The following PCDHGB5 variants were observed in gnomAD, a reference collection of about 807,000 sequenced individuals.
PCDHGB5 encodes the protein protocadherin gamma-B5.
PCDHGB5 carries 48 observed loss-of-function variants against 62.9 expected under a neutral mutation model. The ratio of observed to expected loss-of-function variants is 0.76; its 90% CI spans 0.61 to 0.97. The LOEUF (loss-of-function observed/expected upper bound fraction) is 0.97, where lower values mean the gene tolerates loss of function less well. Among genes scored for constraint, PCDHGB5 ranks in the 50% least tolerant of loss-of-function variants. PCDHGB5 has a pLI of 0.00. For missense variants in PCDHGB5, 1,118 were observed against 1,198.6 expected, an observed-to-expected ratio of 0.93 and a Z score of 0.99; for synonymous variants, 474 against 511.2, an observed-to-expected ratio of 0.93 and a Z score of 0.98.
At chr5:141,427,765 T>C (rs1331334394) in intron 1 of PCDHGB5, 3 of 1,387,170 alleles carry the variant, frequency 2.2e-6, no homozygotes, top group Non-Finnish European at 2.0e-6. Context: ...ACCACTGACT[T>C]GGAGCTGCGG....
chr5:141,471,646 G>C (rs935284198), intron 1 of PCDHGB5: 1 of 152,108 alleles, frequency 6.6e-6, no homozygotes, highest in Non-Finnish European at 1.5e-5. Flanking sequence ...GTAATATACT[G>C]GATGTGGGGA....
chr5:141,408,914 A>G lies in PCDHGB5; in HGVS notation c.2397+8390A>G, dbSNP rs776105035. ...AATTTCTGTCAAGGATACCAATGAT[A>G]ACCCCCCGGTTTTCAGCAGAGACGA... On this transcript the variant is annotated intron_variant, in intron 1 of 3. Coordinates refer to ENST00000617380, the MANE Select transcript of PCDHGB5 (RefSeq NM_018925.3). The G allele has an allele frequency of 1.2e-5, 20 of 1,613,446 alleles. No homozygotes were observed. The South Asian group carries it at 2.1e-4, about 17-fold the overall frequency.
intron 1 of PCDHGB5, chr5:141,405,598 T>G: frequency 1.7e-6 from 1 of 577,840 alleles, no homozygotes; most frequent in South Asian, 2.2e-5. Context: ...GCCTCCCAAG[T>G]AGAATAACTG....
In PCDHGB5 at chr5:141,399,111, A is replaced by G. The variant is rs1561667842; in HGVS notation, c.984A>G (p.Thr328=). The G allele has an allele frequency of 1.9e-6, 3 of 1,613,732 alleles. No individual in the cohort carries two copies. Among genetic ancestry groups the G allele is most frequent in the East Asian group, 2.2e-5 (1 of 44,904 alleles). Residue 328 remains threonine, a synonymous_variant, in exon 1 of 4, where the codon ACA becomes ACG. Coordinates refer to ENST00000617380, the MANE Select transcript of PCDHGB5 (RefSeq NM_018925.3). Reference sequence around the variant, plus strand: ...GTGGTGGACTGGTTGCACAATGTACAGTTGAAATTAATATTCAAGATGAAA... The same window carrying G: ...GTGGTGGACTGGTTGCACAATGTACGGTTGAAATTAATATTCAAGATGAAA... ...RDGGGLVAQC[T]VEINIQDEND... is the part of the protein sequence containing the mutation.
chr5:141,423,868 T>G (rs2154550529), intron 1 of PCDHGB5: 1 of 1,283,788 alleles, frequency 7.8e-7, no homozygotes, highest in East Asian at 3.1e-5. Flanking sequence ...GTGAAAGTCA[T>G]TTTTCAATCT....
intron 1 of PCDHGB5, chr5:141,478,786 C>T: frequency 6.8e-7 from 1 of 1,480,998 alleles, no homozygotes; most frequent in Non-Finnish European, 9.0e-7. Context: ...ACCTAATTCA[C>T]ATCCTCAGCA....
At position 141,399,778 on chromosome 5, in the gene PCDHGB5, C is replaced by T. The variant is rs187080333; in HGVS notation, c.1651C>T (p.Arg551Ter). 2.5e-6 allele frequency: 4 copies of T among 1,613,250 alleles called. No individual in the cohort carries two copies. The South Asian group carries it at 3.3e-5, about 13-fold the overall frequency. Residue 551 changes from arginine to a stop codon, truncating the protein, a stop_gained, in exon 1 of 4, where the codon CGA (arginine) becomes TGA (stop). Transcript: ENST00000617380. LOFTEE classifies it high-confidence loss of function. ...NVSLRVLVGD[R>*]NDNAPRVLYP... ...GAGCCTGCGCGTGTTGGTGGGCGAC[C>T]GAAACGACAACGCACCGCGGGTGCT...
intron 1 of PCDHGB5, chr5:141,413,266 GGA>G: frequency 6.2e-7 from 1 of 1,613,962 alleles, no homozygotes; most frequent in South Asian, 1.1e-5. Context: ...ATGGGAGGCT[GGA>G]GCCCGGCAGA....
At chr5:141,428,145 A>T (rs748256830) in intron 1 of PCDHGB5, 11 of 1,592,456 alleles carry the variant, frequency 6.9e-6, no homozygotes, top group Non-Finnish European at 8.6e-7. Flanking sequence ...GGGGCTGCAC[A>T]CGGGAACCTG....
At position 141,511,235 on chromosome 5, in the gene PCDHGB5, C is replaced by G; in HGVS notation, c.*62C>G. On this transcript the variant is annotated 3_prime_UTR_variant, in exon 4 of 4. Transcript: ENST00000617380. ...CCCCAACCAGCCCAGCTTCTCCTTA[C>G]CTGCACCCAGGCCTCAGAGTTTCAG... 2 of 1,592,936 alleles carry G rather than the reference C, an allele frequency of 1.3e-6. No homozygotes were observed. The highest frequency in any genetic ancestry group is 1.7e-6 in the Non-Finnish European group (2 of 1,169,652).
At chr5:141,420,341 G>A in intron 1 of PCDHGB5, 5 of 1,391,412 alleles carry the variant, frequency 3.6e-6, no homozygotes, top group Middle Eastern at 1.9e-4. Context: ...CAATATAGTG[G>A]TATTATTTTA....
At chr5:141,428,358 G>A in intron 1 of PCDHGB5, 2 of 565,492 alleles carry the variant, frequency 3.5e-6, no homozygotes, top group South Asian at 1.9e-5. Context: ...TGATTTTGGC[G>A]GTCGCCTTGC....
intron 1 of PCDHGB5, chr5:141,430,984 C>A (rs765063685): frequency 6.2e-7 from 1 of 1,613,648 alleles, no homozygotes; most frequent in South Asian, 1.1e-5. Flanking sequence ...CGCAGCTTTT[C>A]GCCCTGAATC....
chr5:141,501,664 TATAG>T (rs1161034391), intron 2 of PCDHGB5, among the ~76,000 whole-genome samples: 1 of 152,064 alleles, frequency 6.6e-6, no homozygotes, highest in East Asian at 1.9e-4. Flanking sequence ...TGTTGGAAAA[TATAG>T]ATAATCACAA....
At position 141,476,683 on chromosome 5, in the gene PCDHGB5, C is replaced by T; in HGVS notation, c.2398-18124C>T. The T allele has an allele frequency of 1.9e-6, 3 of 1,614,242 alleles. No homozygotes were observed. Among genetic ancestry groups the T allele is most frequent in the Non-Finnish European group, 2.5e-6 (3 of 1,180,052 alleles). ...CGCTTCGCGTGCAGACGCGGGAGGA[C>T]AGCACCAAGTACGCGGAGCTGGTGT... On this transcript the variant is annotated intron_variant, in intron 1 of 3. Coordinates refer to ENST00000617380, the MANE Select transcript of PCDHGB5 (RefSeq NM_018925.3). The surrounding 1 kb of genome is among the most constrained non-coding windows in gnomAD (Gnocchi z 7.6).
intron 1 of PCDHGB5, among the ~76,000 whole-genome samples, chr5:141,484,179 A>G (rs2099592960): frequency 6.6e-6 from 1 of 152,222 alleles, no homozygotes; most frequent in South Asian, 2.1e-4. Context: ...GATCTCAATC[A>G]TTCAAGGAAG....
intron 1 of PCDHGB5, among the ~76,000 whole-genome samples, chr5:141,448,855 G>A (rs2098611434): frequency 6.6e-6 from 1 of 152,172 alleles, no homozygotes. Context: ...TGAGGCAGGA[G>A]AATGGCGTGA....
At chr5:141,445,471 T>A (rs533909401) in intron 1 of PCDHGB5, among the ~76,000 whole-genome samples, 17 of 152,204 alleles carry the variant, frequency 1.1e-4, no homozygotes, top group Non-Finnish European at 2.4e-4. Context: ...AAGGCATATA[T>A]GATTCCTGAG....
intron 1 of PCDHGB5, chr5:141,427,650 G>A (rs1352503291): frequency 1.4e-6 from 1 of 718,312 alleles, no homozygotes; most frequent in Admixed American, 2.0e-5. Flanking sequence ...AGTCTCCTAC[G>A]TGGTCCACGT....
Sources: gnomAD v4.1 joint callset for allele counts (sites outside exome capture counted in the v4.1 genomes callset) on GRCh38, gnomAD v4.1.1 for gene constraint, Gnocchi (gnomAD v3.1) non-coding constraint, MANE v1.5 for transcripts, NCBI Gene and HGNC (gene_info 2026-07-23, HGNC 2026-07-21) for gene names.